Variants in ZFHX3 observed in about 807,000 individuals in gnomAD.
ZFHX3 encodes zinc finger homeobox protein 3.
Under a neutral mutation model 279.1 loss-of-function variants are expected in ZFHX3, and 42 were observed. The observed-to-expected ratio is 0.15, with a 90% CI of 0.12 to 0.19. The LOEUF (loss-of-function observed/expected upper bound fraction) is 0.19, where lower values mean the gene tolerates loss of function less well. ZFHX3 is among the 10% of genes least tolerant of loss of function. The pLI is 1.00. For synonymous variants in ZFHX3, 2,293 were observed against 1,957.8 expected, an observed-to-expected ratio of 1.17 and a Z score of -4.52; for missense variants, 4,981 against 4,754.0, an observed-to-expected ratio of 1.05 and a Z score of -1.40.
intron 1 of ZFHX3, among the ~76,000 whole-genome samples, chr16:73,775,891 T>G (rs2142297324): frequency 6.6e-6 from 1 of 152,292 alleles, no homozygotes; most frequent in Non-Finnish European, 1.5e-5. Context: ...TCTGAGGATG[T>G]AGACTCTTGG....
At chr16:72,817,732 A>T (rs919069698) in intron 5 of ZFHX3, among the ~76,000 whole-genome samples, 1 of 152,128 alleles carries the variant, frequency 6.6e-6, no homozygotes, top group Non-Finnish European at 1.5e-5. Context: ...TGACTCCTGG[A>T]GGTGGTAATC....
chr16:73,009,821 G>C (rs1963848042), intron 1 of ZFHX3, among the ~76,000 whole-genome samples: 1 of 152,036 alleles, frequency 6.6e-6, no homozygotes, highest in South Asian at 2.1e-4. Flanking sequence ...AGGAGTTCGA[G>C]ACAAGCCTGA....
At chr16:73,067,150 C>T (rs535582423) in intron 8 of ZFHX3, among the ~76,000 whole-genome samples, 75 of 152,216 alleles carry the variant, frequency 4.9e-4, no homozygotes, top group African/African-American at 1.6e-3. Flanking sequence ...GGTGCCTGTG[C>T]CTGCGTGTTT....
chr16:72,932,048 G>C (rs2144299358), intron 3 of ZFHX3, among the ~76,000 whole-genome samples: 1 of 152,256 alleles, frequency 6.6e-6, no homozygotes, highest in African/African-American at 2.4e-5. Context: ...ATATGCACTA[G>C]CTTTAATCAG....
intron 3 of ZFHX3, among the ~76,000 whole-genome samples, chr16:73,422,852 T>C (rs1331678554): frequency 6.6e-6 from 1 of 152,196 alleles, no homozygotes; most frequent in African/African-American, 2.4e-5. Context: ...TGGGCTTCCA[T>C]AACAAAATAG....
At chr16:73,796,575 C>T (rs1178107931) in intron 1 of ZFHX3, 1 of 152,166 alleles carries the variant, frequency 6.6e-6, no homozygotes, top group African/African-American at 2.4e-5. Context: ...GAGGTGAGGA[C>T]CTGACAAAGC....
chr16:73,426,014 C>A (rs902157632), intron 3 of ZFHX3, among the ~76,000 whole-genome samples: 56 of 152,172 alleles, frequency 3.7e-4, no homozygotes, highest in African/African-American at 1.2e-3. Context: ...CCTTTTGTGT[C>A]CCCCTTCTTC....
intron 3 of ZFHX3, among the ~76,000 whole-genome samples, chr16:72,923,896 G>C (rs1317370235): frequency 6.6e-6 from 1 of 152,186 alleles, no homozygotes; most frequent in African/African-American, 2.4e-5. Context: ...TACTGGGCAG[G>C]TCCACGTCTT....
At chr16:73,312,053 G>A (rs1567447345) in intron 4 of ZFHX3, among the ~76,000 whole-genome samples, 1 of 152,218 alleles carries the variant, frequency 6.6e-6, no homozygotes, top group Non-Finnish European at 1.5e-5. Flanking sequence ...ATGCAGTGGT[G>A]TGTGACGTAT....
chr16:73,421,982 A>G (rs1054899366), intron 3 of ZFHX3, among the ~76,000 whole-genome samples: 4 of 152,146 alleles, frequency 2.6e-5, no homozygotes, highest in African/African-American at 9.7e-5. Flanking sequence ...ATCACAACAT[A>G]CAATAAGACC....
At chr16:73,526,019 TG>T (rs1011464066) in intron 2 of ZFHX3, among the ~76,000 whole-genome samples, 1 of 152,114 alleles carries the variant, frequency 6.6e-6, no homozygotes, top group Non-Finnish European at 1.5e-5. Flanking sequence ...TAAAAGAAGG[TG>T]GTTGGGGACG....
intron 2 of ZFHX3, among the ~76,000 whole-genome samples, chr16:73,623,398 C>A (rs7201972): frequency 6.6e-6 from 1 of 152,106 alleles, no homozygotes; most frequent in Non-Finnish European, 1.5e-5. Flanking sequence ...AACTGTGAAT[C>A]TTAAACTTAA....
intron 1 of ZFHX3, among the ~76,000 whole-genome samples, chr16:73,794,985 C>A (rs2142319126): frequency 6.6e-6 from 1 of 152,240 alleles, no homozygotes; most frequent in Admixed American, 6.5e-5. Context: ...ATAAACACAC[C>A]CAGGACTGGT....
chr16:73,045,954 T>C (rs1457081773), intron 1 of ZFHX3, among the ~76,000 whole-genome samples: 3 of 152,082 alleles, frequency 2.0e-5, no homozygotes, highest in Admixed American at 2.0e-4. Flanking sequence ...AAATAACACT[T>C]GTGTAATTAA....
At chr16:73,217,338 G>C (rs148704636) in intron 5 of ZFHX3, among the ~76,000 whole-genome samples, 23 of 152,176 alleles carry the variant, frequency 1.5e-4, no homozygotes, top group African/African-American at 5.1e-4. Context: ...CGTCCGATTT[G>C]AGTTCAGACA....
intron 4 of ZFHX3, among the ~76,000 whole-genome samples, chr16:72,857,835 G>T (rs1034547717): frequency 1.3e-5 from 2 of 152,216 alleles, no homozygotes; most frequent in South Asian, 4.1e-4. Flanking sequence ...AACTCTGAAG[G>T]TTGTATAATT....
intron 3 of ZFHX3, among the ~76,000 whole-genome samples, chr16:73,403,290 G>C (rs555451301): frequency 2.9e-4 from 44 of 152,366 alleles, no homozygotes; most frequent in African/African-American, 1.0e-3. Context: ...TCCCCTGCTT[G>C]ATGAGTTGGA....
At chr16:73,038,958 C>T (rs1179753142) in intron 1 of ZFHX3, among the ~76,000 whole-genome samples, 4 of 151,714 alleles carry the variant, frequency 2.6e-5, no homozygotes, top group East Asian at 1.9e-4. Context: ...CCACCACGCC[C>T]GGCTAATTTT....
chr16:73,218,086 G>C (rs1241162203), intron 5 of ZFHX3, among the ~76,000 whole-genome samples: 4 of 152,108 alleles, frequency 2.6e-5, no homozygotes, highest in Admixed American at 6.6e-5. Context: ...GGCCTTCAGT[G>C]ATTCCATATT....
Sources: gnomAD v4.1 joint callset for allele counts (sites outside exome capture counted in the v4.1 genomes callset) on GRCh38, gnomAD v4.1.1 for gene constraint, MANE v1.5 for transcripts, NCBI Gene and HGNC (gene_info 2026-07-23, HGNC 2026-07-21) for gene names.